Variants in FAIM2 observed in about 807,000 individuals in gnomAD.
FAIM2 encodes the protein Fas apoptotic inhibitory molecule 2, also known as protein lifeguard 2.
In FAIM2, 27 loss-of-function variants were observed where a neutral mutation model predicts 47.4. The observed-to-expected ratio is 0.57, with a 90% CI of 0.42 to 0.78. The LOEUF is 0.78. Among genes scored for constraint, FAIM2 ranks in the 30% least tolerant of loss-of-function variants. FAIM2 has a pLI of 0.00. For synonymous variants in FAIM2, 156 were observed against 159.3 expected (o/e 0.98, Z 0.16); for missense variants, 311 against 389.4 (o/e 0.80, Z 1.69).
intron 5 of FAIM2, among the ~76,000 whole-genome samples, chr12:49,893,309 C>A (rs894492742): frequency 3.9e-5 from 6 of 152,118 alleles, no homozygotes; most frequent in Non-Finnish European, 8.8e-5. Flanking sequence ...TGGAAACGTG[C>A]CTGCCACACT....
intron 11 of FAIM2, among the ~76,000 whole-genome samples, chr12:49,883,028 G>C (rs1035614209): frequency 1.3e-5 from 2 of 152,180 alleles, no homozygotes; most frequent in Non-Finnish European, 1.5e-5. Flanking sequence ...ATGGGAGAGA[G>C]GGCTGTGAGC....
intron 7 of FAIM2, 46 bp downstream of exon 7, chr12:49,890,637 C>G: frequency 3.2e-6 from 5 of 1,583,378 alleles, no homozygotes; most frequent in Non-Finnish European, 3.5e-6. Flanking sequence ...CCTTCTTCCT[C>G]CATCCCCACT....
Position 49,894,220 on chromosome 12 carries a change from G to A in FAIM2, c.434+2811C>T, listed in dbSNP as rs969040966. Reference sequence around the variant, plus strand: ...AGACAGCACAGTTCAAGCACTTTGCGTGGGCCTGGCACAGGGGTGGGACTC... The same window carrying A: ...AGACAGCACAGTTCAAGCACTTTGCATGGGCCTGGCACAGGGGTGGGACTC... On this transcript the variant is annotated intron_variant, in intron 5 of 11. Transcript: ENST00000320634. 3.9e-5 allele frequency among the ~76,000 whole-genome samples: 6 copies of A among 152,212 alleles called. No homozygotes were observed. In the East Asian group the frequency reaches 5.8e-4, roughly 15 times the overall value.
rs1360985016 is a variant in FAIM2 at position 49,889,207 on chromosome 12, G to C, written c.652-5C>G. 1 of 1,607,414 alleles carries C rather than the reference G, an allele frequency of 6.2e-7. No homozygotes were observed. The highest frequency in any genetic ancestry group is 8.5e-7 in the Non-Finnish European group (1 of 1,176,592). On this transcript the variant is annotated splice_polypyrimidine_tract_variant and splice_region_variant and intron_variant, in intron 9 of 11. Transcript: ENST00000320634. ...CTGGCAGGAGGTGAAGTCGAACTGT[G>C]GGGACAGGATGGGGTTAGCTGCAGG... is the stretch of plus-strand genomic sequence containing the variant.
intron 11 of FAIM2, among the ~76,000 whole-genome samples, chr12:49,871,669 CTTTT>C (rs3049277): frequency 7.1e-6 from 1 of 141,522 alleles, no homozygotes. Context: ...CTTTTCTTTT[CTTTT>C]TTTTTTTTTT....
chr12:49,890,967 G>C, intron 6 of FAIM2, 97 bp downstream of exon 6: 1 of 1,258,530 alleles, frequency 7.9e-7, no homozygotes, highest in South Asian at 1.2e-5. Flanking sequence ...GGCCCTCTCA[G>C]GGCTGCACAG....
At chr12:49,887,078 C>T (rs297919) in intron 11 of FAIM2, among the ~76,000 whole-genome samples, 2,156 of 152,134 alleles carry the variant, frequency 0.014, 44 homozygotes, top group African/African-American at 0.048. Flanking sequence ...CCCACTCTCT[C>T]GCCCCCGCAA....
At chr12:49,885,000 T>C (rs944829896) in intron 11 of FAIM2, among the ~76,000 whole-genome samples, 2 of 152,106 alleles carry the variant, frequency 1.3e-5, no homozygotes, top group Non-Finnish European at 2.9e-5. Context: ...TGCCAGCCCG[T>C]TAACACCCAG....
At chr12:49,900,113 C>T (rs773493916) in intron 2 of FAIM2, 4 of 925,488 alleles carry the variant, frequency 4.3e-6, no homozygotes, top group East Asian at 1.3e-4. Context: ...AGTGGGCCGG[C>T]GGGTGTGTAG....
chr12:49,900,182 G>A (rs1946972281), intron 2 of FAIM2: 1 of 1,287,612 alleles, frequency 7.8e-7, no homozygotes, highest in Non-Finnish European at 1.0e-6. Flanking sequence ...GTAGGTCACG[G>A]TGGGGTGAGT....
Position 49,867,083 on chromosome 12 carries a change from G to C in FAIM2, c.*3421C>G, listed in dbSNP as rs1946667959. ...AGCTGTGTCTGCCCTCAGGGACTCA[G>C]GAGAACGGCTCAGGGAGGGCTTGGG... is the stretch of plus-strand genomic sequence containing the variant. On this transcript the variant is annotated 3_prime_UTR_variant, in exon 12 of 12. Transcript: ENST00000320634. 1 of 152,196 alleles carries C rather than the reference G, an allele frequency of 6.6e-6. No homozygotes were observed. The highest frequency in any genetic ancestry group is 2.4e-5 in the African/African-American group (1 of 41,416). 9.4% of individuals were successfully genotyped at this position (152,196 alleles called of 1,614,324 possible).
chr12:49,899,450 G>A (rs143540303), intron 2 of FAIM2, among the ~76,000 whole-genome samples: 1,676 of 152,174 alleles, frequency 0.011, 29 homozygotes, highest in African/African-American at 0.038. Flanking sequence ...GAAAGCCTCC[G>A]CGGCCTCCCT....
chr12:49,878,810 G>T (rs1946769973), intron 11 of FAIM2, among the ~76,000 whole-genome samples: 1 of 81,696 alleles, frequency 1.2e-5, no homozygotes. Flanking sequence ...ATGTGTGCAT[G>T]TGAATGTGTG....
At chr12:49,873,493 C>G (rs1565611726) in intron 11 of FAIM2, among the ~76,000 whole-genome samples, 1 of 152,144 alleles carries the variant, frequency 6.6e-6, no homozygotes. Flanking sequence ...CAGCTGCCAG[C>G]ATCAGTTCAT....
intron 5 of FAIM2, 129 bp downstream of exon 5, chr12:49,896,902 C>T (rs1241027942): frequency 6.5e-6 from 5 of 774,322 alleles, no homozygotes; most frequent in Non-Finnish European, 1.2e-5. Flanking sequence ...TGGAGGGGAT[C>T]TGTGAGGACA....
At chr12:49,901,101 C>T in intron 2 of FAIM2, 29 bp downstream of exon 2, 2 of 1,529,146 alleles carry the variant, frequency 1.3e-6, no homozygotes, top group East Asian at 2.5e-5. Context: ...CCCCATGATG[C>T]TTCAGGTTCC....
In FAIM2 at chr12:49,901,268, T is replaced by C; in HGVS notation, c.73A>G (p.Lys25Glu). ...GAGGGCACTGCTGGAGCCTCCTTCT[T>C]CTCGCCATGCACCTGCTGCTGCCCC... is the stretch of plus-strand genomic sequence containing the variant. The part of the protein sequence containing the change: ...TEGQQQVHGE[K>E]KEAPAVPSAP... The change falls in exon 2 of 12, where the codon AAG becomes GAG. Residue 25 changes from lysine to glutamate, a missense_variant. Coordinates refer to ENST00000320634, the MANE Select transcript of FAIM2 (RefSeq NM_012306.4). 1 of 1,609,356 alleles carries C rather than the reference T, an allele frequency of 6.2e-7. No individual in the cohort carries two copies. Among genetic ancestry groups the C allele is most frequent in the Non-Finnish European group, 8.5e-7 (1 of 1,178,146 alleles).
chr12:49,901,880 G>C (rs952970612), intron 1 of FAIM2: 2 of 152,562 alleles, frequency 1.3e-5, no homozygotes, highest in African/African-American at 4.8e-5. Flanking sequence ...ATGGAGATGG[G>C]AGAGAGAAGG....
intron 6 of FAIM2, 123 bp from the exon 7 acceptor site, chr12:49,890,845 C>T: frequency 2.2e-6 from 2 of 914,704 alleles, no homozygotes; most frequent in South Asian, 1.3e-5. Context: ...GAGCCTCTTC[C>T]TTCAGCCACA....
Sources: gnomAD v4.1 joint callset for allele counts (sites outside exome capture counted in the v4.1 genomes callset) on GRCh38, gnomAD v4.1.1 for gene constraint, MANE v1.5 for transcripts, NCBI Gene and HGNC (gene_info 2026-07-23, HGNC 2026-07-21) for gene names.